Variants in IFT172 observed in about 807,000 individuals in gnomAD.
IFT172 encodes the protein intraflagellar transport 172.
Under a neutral mutation model 248.9 loss-of-function variants are expected in IFT172, and 164 were observed. The ratio of observed to expected loss-of-function variants is 0.66; its 90% CI spans 0.58 to 0.75. The LOEUF is 0.75. Among genes scored for constraint, IFT172 ranks in the 30% least tolerant of loss-of-function variants. The pLI is 0.00. For missense variants in IFT172, 1,950 were observed against 2,192.4 expected (o/e 0.89, Z 2.21); for synonymous variants, 729 against 791.6 (o/e 0.92, Z 1.33).
intron 6 of IFT172, 34 bp from the exon 7 acceptor site, chr2:27,483,410 A>G: frequency 6.8e-7 from 1 of 1,473,712 alleles, no homozygotes; most frequent in Non-Finnish European, 9.5e-7. Flanking sequence ...ATACAGGAAG[A>G]GACTATTTTA....
chr2:27,468,357 C>T (rs975336991), intron 16 of IFT172, among the ~76,000 whole-genome samples: 1 of 151,412 alleles, frequency 6.6e-6, no homozygotes, highest in African/African-American at 2.4e-5. Context: ...CTCAGCCTCT[C>T]GAGAAGGTAG....
chr2:27,470,260 AAG>A (rs1014335882), intron 16 of IFT172, among the ~76,000 whole-genome samples: 2 of 127,890 alleles, frequency 1.6e-5, no homozygotes, highest in African/African-American at 5.7e-5. Flanking sequence ...AAGAGAGAGA[AAG>A]AGAGAGAGAA....
chr2:27,457,639 C>A lies in IFT172; in HGVS notation c.3228G>T (p.Arg1076Ser). 6.2e-7 allele frequency: 1 copy of A among 1,613,122 alleles called. No homozygotes were observed. ...RASGLWEEAYRVARTQGGANA... is the reference protein window; with the variant it reads ...RASGLWEEAYSVARTQGGANA... Reference sequence around the variant, plus strand: ...CCTCAGTGTGGCCTGAACTCCTTACCCTGTAGGCCTCTTCCCAAAGCCCAC... The same window carrying A: ...CCTCAGTGTGGCCTGAACTCCTTACACTGTAGGCCTCTTCCCAAAGCCCAC... The change falls in exon 29 of 48, where the codon AGG becomes AGT. Residue 1076 changes from arginine (R) to serine (S), a missense_variant and splice_region_variant. This residue lies in a region of IFT172 where 164 missense variants were observed against 239.3 expected (regional missense o/e 0.69). Coordinates refer to ENST00000260570, the MANE Select transcript of IFT172 (RefSeq NM_015662.3).
intron 30 of IFT172, chr2:27,455,567 C>T (rs774858416): frequency 3.4e-5 from 7 of 207,630 alleles, no homozygotes; most frequent in Non-Finnish European, 5.8e-5. Context: ...AAAAATTAGC[C>T]GGGCGTGGTG....
At chr2:27,487,148 T>C (rs1668822918) in intron 1 of IFT172, among the ~76,000 whole-genome samples, 1 of 152,174 alleles carries the variant, frequency 6.6e-6, no homozygotes, top group Admixed American at 6.5e-5. Context: ...TTTCACCGTA[T>C]TGCCCAGGCT....
At chr2:27,485,237 T>C in intron 2 of IFT172, 107 bp from the exon 3 acceptor site, 1 of 1,511,546 alleles carries the variant, frequency 6.6e-7, no homozygotes, top group Non-Finnish European at 9.1e-7. Flanking sequence ...CTTGAGGATT[T>C]ATACTGAGAA....
chr2:27,447,711 C>T (rs1198808082), intron 41 of IFT172, 77 bp from the exon 42 acceptor site: 6 of 1,609,382 alleles, frequency 3.7e-6, no homozygotes, highest in Non-Finnish European at 5.1e-6. Context: ...CTGATAGCCA[C>T]CTGGCAGAGG....
At chr2:27,446,912 G>A (rs566348923) in intron 42 of IFT172, among the ~76,000 whole-genome samples, 1 of 151,868 alleles carries the variant, frequency 6.6e-6, no homozygotes, top group East Asian at 1.9e-4. Flanking sequence ...TGTTAGCCAG[G>A]ATGGTCTCGA....
At position 27,470,060 on chromosome 2, in the gene IFT172, A is replaced by G. The variant is rs541327114; in HGVS notation, c.1692+868T>C. Among the ~76,000 whole-genome samples the G allele has an allele frequency of 2.2e-4, 33 of 149,214 alleles. No individual in the cohort carries two copies. The South Asian group carries it at 3.6e-3, about 16-fold the overall frequency. The stretch of plus-strand genomic sequence containing the variant: ...TAACTTTCAAACCCAAAATGTGGAG[A>G]AAAAAAAAAGGTGCTTAAAGAAATT... On this transcript the variant is annotated intron_variant, in intron 16 of 47. Coordinates refer to ENST00000260570, the MANE Select transcript of IFT172 (RefSeq NM_015662.3).
Position 27,456,762 on chromosome 2 carries a change from AG to A in IFT172, c.3229-110del, listed in dbSNP as rs1005230290. On this transcript the variant is annotated intron_variant, in intron 29 of 47. Transcript: ENST00000260570. Reference sequence around the variant, plus strand: ...TAACTGTTCTAAATTGAACAGGAAGAGGCTGGGTGTGGTGGCTCATACCTAT... The same window carrying A: ...TAACTGTTCTAAATTGAACAGGAAGAGCTGGGTGTGGTGGCTCATACCTAT... 2.0e-6 allele frequency: 3 copies of A among 1,467,874 alleles called. No homozygotes were observed. In the Admixed American group the frequency reaches 6.7e-5, roughly 33 times the overall value. The allele number at this position is 1,467,874 out of a possible 1,614,324, so 90.9% of individuals were successfully genotyped here. A position where few individuals can be genotyped will look rare whatever the true frequency, so the allele number is the denominator to read the frequency against.
chr2:27,459,690 C>T lies in IFT172; in HGVS notation c.2642+19G>A. The T allele has an allele frequency of 6.2e-7, 1 of 1,611,368 alleles. No homozygotes were observed. Among genetic ancestry groups the T allele is most frequent in the African/African-American group, 1.3e-5 (1 of 75,052 alleles). On this transcript the variant is annotated intron_variant, in intron 24 of 47. Coordinates refer to ENST00000260570, the MANE Select transcript of IFT172 (RefSeq NM_015662.3). ...TCACTTCACACCTAAATCTCCTTTA[C>T]ATTCCCATACTCCCATACCTGGCTT...
At chr2:27,476,952 T>C (rs1667998234) in intron 13 of IFT172, 1 of 588,106 alleles carries the variant, frequency 1.7e-6, no homozygotes, top group African/African-American at 1.9e-5. Flanking sequence ...CCTTCCTGAG[T>C]AACTGGGACT....
chr2:27,486,499 C>G (rs1668772489), intron 1 of IFT172, among the ~76,000 whole-genome samples: 1 of 152,176 alleles, frequency 6.6e-6, no homozygotes, highest in South Asian at 2.1e-4. Context: ...TTTCTTCTGC[C>G]CCAATTGTTT....
chr2:27,470,784 C>T, intron 16 of IFT172, 144 bp downstream of exon 16: 1 of 719,230 alleles, frequency 1.4e-6, no homozygotes. Context: ...GGGGGCTGGT[C>T]CATAAGTCTA....
chr2:27,464,712 G>C (rs751763498), intron 18 of IFT172, among the ~76,000 whole-genome samples: 62 of 151,926 alleles, frequency 4.1e-4, no homozygotes, highest in Non-Finnish European at 7.1e-4. Flanking sequence ...TTGCCTCCCG[G>C]GTTCAAGTGA....
At position 27,485,297 on chromosome 2, in the gene IFT172, G is replaced by A. The variant is rs780091; in HGVS notation, c.183+63C>T. 1,713 of 1,605,690 alleles carry A rather than the reference G, an allele frequency of 1.1e-3. 10 individuals are homozygous for A. In the African/African-American group the frequency reaches 0.019, roughly 18 times the overall value. On this transcript the variant is annotated intron_variant, in intron 2 of 47. Coordinates refer to ENST00000260570, the MANE Select transcript of IFT172 (RefSeq NM_015662.3). ...TGCTGATGGCTAGAAGGCAGACTAC[G>A]TCTTTCAAGTTGTGAGACCCCATCA...
chr2:27,460,659 A>G (rs1666579257), intron 23 of IFT172, among the ~76,000 whole-genome samples: 1 of 74,708 alleles, frequency 1.3e-5, no homozygotes, highest in African/African-American at 5.5e-5. Flanking sequence ...AATCCTTTAC[A>G]TTGTCTATGA....
chr2:27,463,190 T>C lies in IFT172; in HGVS notation c.1938-9A>G. On this transcript the variant is annotated splice_polypyrimidine_tract_variant and intron_variant, in intron 18 of 47. Coordinates refer to ENST00000260570, the MANE Select transcript of IFT172 (RefSeq NM_015662.3). ...CCAAAGCAGAAAAGCACCTATGGCA[T>C]GGAAGCAATAACATTAATAGTAATA... The C allele has an allele frequency of 6.2e-7, 1 of 1,612,540 alleles. No homozygotes were observed. Among genetic ancestry groups the C allele is most frequent in the Non-Finnish European group, 8.5e-7 (1 of 1,178,606 alleles).
At position 27,480,077 on chromosome 2, in the gene IFT172, T is replaced by A. The variant is rs1668251597; in HGVS notation, c.858A>T (p.Leu286Phe). ...EEAKPKEITN[L>F]YTITALAWKR... Reference sequence around the variant, plus strand: ...TCCAGGCCAAGGCAGTGATGGTGTATAAATTGGTAATCTCCTTGGGCTTTG... The same window carrying A: ...TCCAGGCCAAGGCAGTGATGGTGTAAAAATTGGTAATCTCCTTGGGCTTTG... The change falls in exon 9 of 48, where the codon TTA becomes TTT. Residue 286 changes from leucine to phenylalanine, a missense_variant. By Grantham distance (22) the Leu-to-Phe change is conservative. This residue lies in a region of IFT172 where 1,166 missense variants were observed against 1,254.1 expected (regional missense o/e 0.93). Coordinates refer to ENST00000260570, the MANE Select transcript of IFT172 (RefSeq NM_015662.3). 1 of 1,613,832 alleles carries A rather than the reference T, an allele frequency of 6.2e-7. No homozygotes were observed.
Sources: gnomAD v4.1 joint callset for allele counts (sites outside exome capture counted in the v4.1 genomes callset) on GRCh38, gnomAD v4.1.1 for gene constraint, gnomAD v4.1.1 regional missense constraint, MANE v1.5 for transcripts, NCBI Gene and HGNC (gene_info 2026-07-23, HGNC 2026-07-21) for gene names.